HIKESHI: variants seen among roughly 807,000 people sequenced by gnomAD.
HIKESHI encodes the protein protein Hikeshi.
A neutral mutation model predicts 25.7 loss-of-function variants in HIKESHI; 13 were observed. That is an observed-to-expected ratio of 0.51 (90% CI 0.33 to 0.80). The LOEUF is 0.80. Among genes scored for constraint, HIKESHI ranks in the 30% least tolerant of loss-of-function variants. The pLI is 0.02. For synonymous variants in HIKESHI, 76 were observed against 78.7 expected, an observed-to-expected ratio of 0.97 and a Z score of 0.18; for missense variants, 174 against 229.5, an observed-to-expected ratio of 0.76 and a Z score of 1.56.
At chr11:86,309,038 A>C (rs1317140771) in intron 2 of HIKESHI, among the ~76,000 whole-genome samples, 6 of 152,140 alleles carry the variant, frequency 3.9e-5, no homozygotes, top group African/African-American at 1.4e-4. Context: ...ATACACGTGC[A>C]TGTGTCTTTA....
intron 1 of HIKESHI, among the ~76,000 whole-genome samples, chr11:86,303,689 A>G (rs551588363): frequency 3.2e-4 from 49 of 152,116 alleles, no homozygotes; most frequent in African/African-American, 1.1e-3. Context: ...TCCTTTAATT[A>G]TGGAGTATTA....
At chr11:86,339,212 A>AT (rs34543869) in intron 3 of HIKESHI, among the ~76,000 whole-genome samples, 93,183 of 151,698 alleles carry the variant, frequency 0.61, 28,811 homozygotes, top group East Asian at 0.79. Context: ...GGCCCAGCTA[A>AT]TTTTTTTTGT....
intron 2 of HIKESHI, among the ~76,000 whole-genome samples, chr11:86,331,305 A>G (rs1593856226): frequency 6.6e-6 from 1 of 152,174 alleles, no homozygotes; most frequent in Non-Finnish European, 1.5e-5. Context: ...CCTGGCCAAC[A>G]TTGTGAAACC....
At chr11:86,335,732 C>T (rs951426843) in intron 2 of HIKESHI, among the ~76,000 whole-genome samples, 8 of 152,148 alleles carry the variant, frequency 5.3e-5, no homozygotes, top group African/African-American at 1.9e-4. Context: ...AACAAAGAAA[C>T]AGACTTTACA....
chr11:86,331,759 A>G (rs1947429657), intron 2 of HIKESHI, among the ~76,000 whole-genome samples: 1 of 152,156 alleles, frequency 6.6e-6, no homozygotes, highest in South Asian at 2.1e-4. Flanking sequence ...TAGCTCTTAG[A>G]ATATACATTA....
chr11:86,323,414 A>C (rs1947198956), intron 2 of HIKESHI, among the ~76,000 whole-genome samples: 1 of 152,194 alleles, frequency 6.6e-6, no homozygotes, highest in African/African-American at 2.4e-5. Flanking sequence ...AATAATCATA[A>C]GCAATACAGT....
Position 86,316,771 on chromosome 11 carries a change from C to CTT in HIKESHI, c.268+10328_268+10329dup, listed in dbSNP as rs71040229. 8.0e-4 allele frequency among the ~76,000 whole-genome samples: 55 copies of CTT among 68,788 alleles called. 9 individuals carry two copies. The highest frequency in any genetic ancestry group is 1.1e-3 in the African/African-American group (18 of 15,916). The allele number at this position is 68,788 out of a possible 152,430, so 45.1% of individuals were successfully genotyped here. A position where few individuals can be genotyped will look rare whatever the true frequency, so the allele number is the denominator to read the frequency against. Reference sequence around the variant, plus strand: ...TTATGAGTAATGAATCTGAAACATTCTTTTTTTTTTTTTTTTTTTTTTTTT... The same window carrying CTT: ...TTATGAGTAATGAATCTGAAACATTCTTTTTTTTTTTTTTTTTTTTTTTTTTT... On this transcript the variant is annotated intron_variant, in intron 2 of 4. Coordinates refer to ENST00000278483, the MANE Select transcript of HIKESHI (RefSeq NM_016401.4).
chr11:86,325,533 C>CT (rs367833647), intron 2 of HIKESHI, among the ~76,000 whole-genome samples: 39 of 146,630 alleles, frequency 2.7e-4, no homozygotes, highest in Middle Eastern at 3.6e-3. Context: ...CAAGAAGAAA[C>CT]TTTTTTTTTT....
intron 2 of HIKESHI, among the ~76,000 whole-genome samples, chr11:86,330,779 A>G (rs1329707617): frequency 6.6e-6 from 1 of 152,120 alleles, no homozygotes; most frequent in East Asian, 1.9e-4. Context: ...TTCTTAAAAT[A>G]TCTTACCAAA....
intron 2 of HIKESHI, among the ~76,000 whole-genome samples, chr11:86,307,333 T>A (rs1165271655): frequency 1.0e-5 from 1 of 96,262 alleles, no homozygotes; most frequent in Non-Finnish European, 2.0e-5. Flanking sequence ...TTATGTGTAA[T>A]ATACATTATA....
chr11:86,308,559 T>TTTTATTTA (rs71468999), intron 2 of HIKESHI, among the ~76,000 whole-genome samples: 12,575 of 142,494 alleles, frequency 0.088, 887 homozygotes, highest in African/African-American at 0.18. Context: ...CCATAATTCT[T>TTTTATTTA]TTTATTTATT....
In HIKESHI at chr11:86,302,351, A is replaced by G. The variant is rs1946516788; in HGVS notation, c.-98A>G. 2.0e-6 allele frequency: 3 copies of G among 1,483,370 alleles called. No homozygotes were observed. The highest frequency in any genetic ancestry group is 3.9e-5 in the Admixed American group (2 of 50,750). 91.9% of individuals were successfully genotyped at this position (1,483,370 alleles called of 1,614,324 possible). On this transcript the variant is annotated 5_prime_UTR_variant, in exon 1 of 5. Transcript: ENST00000278483. ...AGTGGAGGGGCAGACACCCTCCCGC[A>G]AATTCTGGAAGGTTCTTAGTCTCGA...
chr11:86,341,368 AG>A (rs1947724754), intron 3 of HIKESHI, among the ~76,000 whole-genome samples: 1 of 151,842 alleles, frequency 6.6e-6, no homozygotes, highest in African/African-American at 2.4e-5. Context: ...TCCTTTGCAT[AG>A]ATTTCTATGT....
chr11:86,341,299 G>A (rs144534361), intron 3 of HIKESHI, among the ~76,000 whole-genome samples: 2 of 152,150 alleles, frequency 1.3e-5, no homozygotes, highest in East Asian at 1.9e-4. Context: ...ATTGAGCTAT[G>A]TGTGGTACAA....
intron 2 of HIKESHI, among the ~76,000 whole-genome samples, chr11:86,312,740 T>TA (rs1297194354): frequency 6.6e-6 from 1 of 152,224 alleles, no homozygotes; most frequent in African/African-American, 2.4e-5. Flanking sequence ...GGAGCTCTTA[T>TA]AAGGCAGGCC....
chr11:86,341,681 T>A (rs925291162), intron 3 of HIKESHI, among the ~76,000 whole-genome samples: 1 of 152,124 alleles, frequency 6.6e-6, no homozygotes, highest in Non-Finnish European at 1.5e-5. Flanking sequence ...GGCCTCATTA[T>A]GTTGCCCAGA....
intron 2 of HIKESHI, among the ~76,000 whole-genome samples, chr11:86,330,135 T>G (rs1439245648): frequency 1.3e-5 from 2 of 152,202 alleles, no homozygotes; most frequent in Admixed American, 6.5e-5. Flanking sequence ...CATTAGTTTT[T>G]TAGTGGTTCC....
rs1427145457 is a variant in HIKESHI, at chr11:86,307,012, A to AT, written c.268+530_268+531insT. Among the ~76,000 whole-genome samples the AT allele has an allele frequency of 8.7e-3, 1,128 of 129,458 alleles. 82 individuals are homozygous for AT. The highest frequency in any genetic ancestry group is 0.07 in the East Asian group (259 of 3,712). 84.9% of individuals were successfully genotyped at this position (129,458 alleles called of 152,430 possible). The stretch of plus-strand genomic sequence containing the variant: ...GAGACTCTGTCTCAAAGAAAAAAAA[A>AT]ATATATATATATATATAAATATATA... On this transcript the variant is annotated intron_variant, in intron 2 of 4. Transcript: ENST00000278483.
At chr11:86,331,552 C>A (rs1463989605) in intron 2 of HIKESHI, among the ~76,000 whole-genome samples, 1 of 152,048 alleles carries the variant, frequency 6.6e-6, no homozygotes, top group African/African-American at 2.4e-5. Context: ...CTGTTACTGC[C>A]CTCCCTCCCC....
Sources: gnomAD v4.1 joint callset for allele counts (sites outside exome capture counted in the v4.1 genomes callset) on GRCh38, gnomAD v4.1.1 for gene constraint, MANE v1.5 for transcripts, NCBI Gene and HGNC (gene_info 2026-07-23, HGNC 2026-07-21) for gene names.